Variants in UNC13C observed in about 807,000 individuals in gnomAD.
UNC13C encodes the protein unc-13 homolog C.
A neutral mutation model predicts 245.4 loss-of-function variants in UNC13C; 174 were observed. The ratio of observed to expected loss-of-function variants is 0.71; its 90% CI spans 0.63 to 0.80. UNC13C has a LOEUF of 0.80. Ranked by LOEUF, UNC13C falls within the 30% of genes least tolerant of loss-of-function variation. UNC13C has a pLI of 0.00. For synonymous variants in UNC13C, 992 were observed against 895.1 expected, an observed-to-expected ratio of 1.11 and a Z score of -1.93; for missense variants, 2,829 against 2,602.9, an observed-to-expected ratio of 1.09 and a Z score of -1.89.
rs1450262657 is a variant in UNC13C at position 54,032,069 on chromosome 15, C to G, written c.2983+16183C>G. ...ATGGCAAAGGCATGAGTCTACATGT[C>G]TTAAAGACTGAGGATGATTATAGAA... On this transcript the variant is annotated intron_variant, in intron 2 of 32. Coordinates refer to ENST00000260323, the MANE Select transcript of UNC13C (RefSeq NM_001080534.3). Among the ~76,000 whole-genome samples, 3 of 152,092 alleles carry G rather than the reference C, an allele frequency of 2.0e-5. No individual in the cohort carries two copies. The East Asian group carries it at 5.8e-4, about 29-fold the overall frequency.
intron 30 of UNC13C, among the ~76,000 whole-genome samples, chr15:54,594,994 GA>G (rs1430111978): frequency 4.6e-5 from 7 of 152,232 alleles, no homozygotes; most frequent in African/African-American, 1.7e-4. Context: ...CAGATGGAAG[GA>G]GGAGGAAGGG....
Position 54,014,268 on chromosome 15 carries a change from T to A in UNC13C, c.1365T>A (p.Asp455Glu), listed in dbSNP as rs372131972. 3 of 1,613,766 alleles carry A rather than the reference T, an allele frequency of 1.9e-6. No homozygotes were observed. Among genetic ancestry groups the A allele is most frequent in the African/African-American group, 2.7e-5 (2 of 74,910 alleles). Reference sequence around the variant, plus strand: ...AGTCACCTGATGACAGTGATGAAGATCTTGAATCTGACCTCAATAGAAACA... The same window carrying A: ...AGTCACCTGATGACAGTGATGAAGAACTTGAATCTGACCTCAATAGAAACA... ...NWQSPDDSDE[D>E]LESDLNRNSY... Residue 455 changes from aspartate (D) to glutamate (E), a missense_variant, in exon 2 of 33, where the codon GAT (aspartate) becomes GAA (glutamate). Physicochemically the swap from Asp to Glu is conservative, Grantham distance 45. Coordinates refer to ENST00000260323, the MANE Select transcript of UNC13C (RefSeq NM_001080534.3).
At chr15:54,569,457 AG>A (rs1897657202) in intron 30 of UNC13C, among the ~76,000 whole-genome samples, 1 of 152,174 alleles carries the variant, frequency 6.6e-6, no homozygotes, top group South Asian at 2.1e-4. Flanking sequence ...CAAGAAAAAA[AG>A]CCTATACATG....
At chr15:54,443,841 A>T (rs1032449053) in intron 19 of UNC13C, among the ~76,000 whole-genome samples, 5 of 152,096 alleles carry the variant, frequency 3.3e-5, no homozygotes, top group Admixed American at 2.0e-4. Flanking sequence ...TATCTTGGAT[A>T]AAATTTCATA....
intron 2 of UNC13C, chr15:54,050,609 ATTAAAT>A: frequency 2.3e-6 from 1 of 429,604 alleles, no homozygotes. Context: ...TGGAAATCAA[ATTAAAT>A]TTATCATCAG....
intron 1 of UNC13C, among the ~76,000 whole-genome samples, chr15:53,979,448 C>A (rs186841864): frequency 7.8e-6 from 1 of 127,880 alleles, no homozygotes; most frequent in Admixed American, 1.0e-4. Context: ...AGAAGAAGAT[C>A]CTGCAGATTT....
At chr15:54,530,665 T>C (rs1015920812) in intron 25 of UNC13C, among the ~76,000 whole-genome samples, 2 of 152,110 alleles carry the variant, frequency 1.3e-5, no homozygotes, top group African/African-American at 2.4e-5. Context: ...GATATATGCC[T>C]GAAATTAACG....
chr15:54,324,804 C>G (rs1424758333), intron 14 of UNC13C, among the ~76,000 whole-genome samples: 1 of 151,952 alleles, frequency 6.6e-6, no homozygotes, highest in East Asian at 1.9e-4. Context: ...GTCAGTGAAG[C>G]AATTGAGGTT....
intron 19 of UNC13C, among the ~76,000 whole-genome samples, chr15:54,463,839 A>G (rs1233039884): frequency 6.6e-6 from 1 of 152,132 alleles, no homozygotes; most frequent in Non-Finnish European, 1.5e-5. Context: ...GTTGAAGGGA[A>G]TGCCATTGTT....
intron 2 of UNC13C, among the ~76,000 whole-genome samples, chr15:54,131,412 T>C (rs1249903077): frequency 6.6e-6 from 1 of 152,246 alleles, no homozygotes; most frequent in Admixed American, 6.5e-5. Flanking sequence ...TACTATTTAC[T>C]TTCCATGGTT....
intron 18 of UNC13C, among the ~76,000 whole-genome samples, chr15:54,400,982 A>G (rs1411464898): frequency 6.6e-6 from 1 of 152,078 alleles, no homozygotes; most frequent in Non-Finnish European, 1.5e-5. Flanking sequence ...GAAGCTGGAA[A>G]CCATCATTCT....
At chr15:54,259,824 G>A (rs1348586977) in intron 8 of UNC13C, among the ~76,000 whole-genome samples, 1 of 152,154 alleles carries the variant, frequency 6.6e-6, no homozygotes, top group Non-Finnish European at 1.5e-5. Context: ...TACAGCCTCT[G>A]TTTTCAAAGA....
the UNC13C span, among the ~76,000 whole-genome samples, chr15:53,877,475 AG>A: frequency 6.6e-6 from 1 of 152,320 alleles, no homozygotes; most frequent in Admixed American, 6.5e-5. Flanking sequence ...TAATATTCAT[AG>A]AAATTAAAGA....
At chr15:54,134,923 A>G (rs1032098097) in intron 2 of UNC13C, among the ~76,000 whole-genome samples, 2 of 152,118 alleles carry the variant, frequency 1.3e-5, no homozygotes, top group Non-Finnish European at 2.9e-5. Flanking sequence ...GTACCAATTT[A>G]TGTTTCTGTC....
intron 19 of UNC13C, among the ~76,000 whole-genome samples, chr15:54,459,636 C>T (rs1047521220): frequency 1.5e-4 from 23 of 151,930 alleles, no homozygotes; most frequent in African/African-American, 5.6e-4. Context: ...AATTTGAAAG[C>T]CTTGTCTTTG....
intron 1 of UNC13C, among the ~76,000 whole-genome samples, chr15:54,003,030 G>C (rs1376599956): frequency 1.3e-5 from 2 of 152,142 alleles, no homozygotes; most frequent in Non-Finnish European, 2.9e-5. Flanking sequence ...TTGAGGATCA[G>C]TGCTGTTCAA....
chr15:54,441,233 C>T lies in UNC13C; in HGVS notation c.4933+26166C>T, dbSNP rs138223782. ...GCTTTTGAGGTATTAGCCCTGAAAT[C>T]CTAGCCTAGACCAATATCCTGAAGT... is the stretch of plus-strand genomic sequence containing the variant. On this transcript the variant is annotated intron_variant, in intron 19 of 32. Transcript: ENST00000260323. 5.0e-3 allele frequency among the ~76,000 whole-genome samples: 759 copies of T among 152,034 alleles called. 5 individuals are homozygous for T. Among genetic ancestry groups the T allele is most frequent in the African/African-American group, 0.017 (709 of 41,488 alleles).
chr15:54,069,975 T>G (rs979551739), intron 2 of UNC13C, among the ~76,000 whole-genome samples: 6 of 152,340 alleles, frequency 3.9e-5, no homozygotes, highest in South Asian at 2.1e-4. Flanking sequence ...CAGAATAAGT[T>G]GAGTATTGTT....
intron 1 of UNC13C, among the ~76,000 whole-genome samples, chr15:54,001,641 C>T (rs555351572): frequency 6.6e-6 from 1 of 152,180 alleles, no homozygotes; most frequent in East Asian, 1.9e-4. Context: ...ATTTTTAGTA[C>T]TTTTGATGTT....
Sources: gnomAD v4.1 joint callset for allele counts (sites outside exome capture counted in the v4.1 genomes callset) on GRCh38, gnomAD v4.1.1 for gene constraint, MANE v1.5 for transcripts, NCBI Gene and HGNC (gene_info 2026-07-23, HGNC 2026-07-21) for gene names.